The following DHX30 variants were observed in gnomAD, a reference collection of about 807,000 sequenced individuals.
DHX30 encodes DExH-box helicase 30.
Under a neutral mutation model 116.9 loss-of-function variants are expected in DHX30, and 4 were observed. The observed-to-expected ratio is 0.03, with a 90% CI of 0.02 to 0.08. The LOEUF (loss-of-function observed/expected upper bound fraction) is 0.08, where lower values mean the gene tolerates loss of function less well. Among genes scored for constraint, DHX30 ranks in the 10% least tolerant of loss-of-function variants. The pLI, the probability that DHX30 is intolerant of heterozygous loss-of-function variation, is 1.00. For missense variants in DHX30, 871 were observed against 1,595.1 expected (o/e 0.55, Z 7.73); for synonymous variants, 697 against 651.7 (o/e 1.07, Z -1.06).
At chr3:47,813,126 C>A (rs1039658298) in intron 3 of DHX30, among the ~76,000 whole-genome samples, 1 of 151,836 alleles carries the variant, frequency 6.6e-6, no homozygotes, top group African/African-American at 2.4e-5. Flanking sequence ...ATCACGAGGT[C>A]AGGAGATTGA....
chr3:47,807,062 C>G (rs1170285513), intron 2 of DHX30, among the ~76,000 whole-genome samples: 2 of 151,860 alleles, frequency 1.3e-5, no homozygotes, highest in African/African-American at 4.8e-5. Flanking sequence ...AAAAATTAGC[C>G]AGGCGTGGTG....
intron 4 of DHX30, among the ~76,000 whole-genome samples, chr3:47,824,570 G>A (rs1215075042): frequency 6.6e-6 from 1 of 152,180 alleles, no homozygotes; most frequent in East Asian, 1.9e-4. Context: ...GGGATTGCAG[G>A]CATGAGCCAC....
At chr3:47,813,542 T>C (rs990581971) in intron 3 of DHX30, among the ~76,000 whole-genome samples, 2 of 152,180 alleles carry the variant, frequency 1.3e-5, no homozygotes, top group Non-Finnish European at 2.9e-5. Context: ...AACATGACTT[T>C]TTTTCTTCAA....
chr3:47,816,049 T>A, intron 3 of DHX30: 1 of 985,194 alleles, frequency 1.0e-6, no homozygotes, highest in Non-Finnish European at 1.2e-6. Context: ...AAGGCAGAAC[T>A]GGAATTAGTT....
chr3:47,848,258 G>A lies in DHX30; in HGVS notation c.2365G>A (p.Gly789Ser), dbSNP rs778742211. The change falls in exon 15 of 22, where the codon GGC becomes AGC. Residue 789 changes from glycine (G) to serine (S), a missense_variant. Physicochemically the swap from Gly to Ser is moderately conservative, Grantham distance 56. Coordinates refer to ENST00000445061, the MANE Select transcript of DHX30 (RefSeq NM_138615.3). The surrounding 1 kb of genome is among the most constrained non-coding windows in gnomAD (Gnocchi z 9.4). ...GGGCCGGGCGGGCCGCTGCCAGTCC[G>A]GCTTTGCCTACCACTTGTTCCCTCG... Reference protein sequence around the residue: ...RRGRAGRCQSGFAYHLFPRSR... With the variant: ...RRGRAGRCQSSFAYHLFPRSR... 1 of 1,613,666 alleles carries A rather than the reference G, an allele frequency of 6.2e-7. No homozygotes were observed. Among genetic ancestry groups the A allele is most frequent in the East Asian group, 2.2e-5 (1 of 44,890 alleles).
In DHX30 at chr3:47,823,032, G is replaced by C. The variant is rs868793945; in HGVS notation, c.125-4315G>C. On this transcript the variant is annotated intron_variant, in intron 4 of 21. Transcript: ENST00000445061. ...GGTGTGAACCTGGGAGGTGGAGCTT[G>C]CAGTGAGCCGAGATTGCACCACTGC... Among the ~76,000 whole-genome samples, 4 of 149,624 alleles carry C rather than the reference G, an allele frequency of 2.7e-5. 1 individual carries two copies. The South Asian group carries it at 8.5e-4, about 32-fold the overall frequency.
chr3:47,850,022 A>C lies in DHX30; in HGVS notation c.3487A>C (p.Ser1163Arg), dbSNP rs776692867. ...LRSELAALPP[S>R]VQEEHGQLLA... The stretch of plus-strand genomic sequence containing the variant: ...CAGCGAGCTGGCTGCACTTCCCCCC[A>C]GCGTACAGGAGGAGCACGGGCAGCT... The change falls in exon 22 of 22, where the codon AGC becomes CGC. Residue 1163 changes from serine (S) to arginine (R), a missense_variant. This residue lies in a region of DHX30 where 52 missense variants were observed against 50.1 expected (regional missense o/e 1.04). Transcript: ENST00000445061. The C allele has an allele frequency of 6.2e-7, 1 of 1,609,814 alleles. No homozygotes were observed. Among genetic ancestry groups the C allele is most frequent in the Admixed American group, 1.7e-5 (1 of 59,652 alleles).
At position 47,834,730 on chromosome 3, in the gene DHX30, G is replaced by C. The variant is rs556993742; in HGVS notation, c.366+5596G>C. Among the ~76,000 whole-genome samples the C allele has an allele frequency of 1.3e-3, 203 of 152,280 alleles. 1 individual carries two copies. The highest frequency in any genetic ancestry group is 4.6e-3 in the African/African-American group (191 of 41,548). ...CTGTCTCAGCCTCCCAAAGTGCTGGGATTACAGGCATGAGCCACTGCACCT... is the reference window on the plus strand; with the variant it reads ...CTGTCTCAGCCTCCCAAAGTGCTGGCATTACAGGCATGAGCCACTGCACCT... On this transcript the variant is annotated intron_variant, in intron 6 of 21. Coordinates refer to ENST00000445061, the MANE Select transcript of DHX30 (RefSeq NM_138615.3).
intron 6 of DHX30, among the ~76,000 whole-genome samples, chr3:47,830,204 C>T (rs535429135): frequency 6.6e-6 from 1 of 150,532 alleles, no homozygotes; most frequent in Admixed American, 6.6e-5. Context: ...ATTCCCAGCA[C>T]TTTGGGAGGC....
chr3:47,822,894 C>T (rs958730326), intron 4 of DHX30, among the ~76,000 whole-genome samples: 5 of 152,166 alleles, frequency 3.3e-5, no homozygotes, highest in Admixed American at 3.3e-4. Flanking sequence ...GAGATCGAGA[C>T]CATCCTGGCT....
chr3:47,844,933 C>A (rs947790963), intron 9 of DHX30, among the ~76,000 whole-genome samples: 2 of 151,738 alleles, frequency 1.3e-5, no homozygotes, highest in African/African-American at 4.8e-5. Flanking sequence ...GATTGGGAGG[C>A]GGGATGGAAG....
intron 3 of DHX30, among the ~76,000 whole-genome samples, chr3:47,814,147 G>A (rs1229247551): frequency 6.6e-6 from 1 of 151,778 alleles, no homozygotes; most frequent in Non-Finnish European, 1.5e-5. Flanking sequence ...ATCCTCAGCT[G>A]AGCGCGGTGG....
Position 47,805,011 on chromosome 3 carries a change from A to C in DHX30, c.-122-315A>C, listed in dbSNP as rs566491858. ...CATAATTATTATGGGATTAGAACTCAAAGTGGAAGTAGGTTTTGCTCTGGG... is the reference window on the plus strand; with the variant it reads ...CATAATTATTATGGGATTAGAACTCCAAGTGGAAGTAGGTTTTGCTCTGGG... On this transcript the variant is annotated intron_variant, in intron 1 of 21. Coordinates refer to ENST00000445061, the MANE Select transcript of DHX30 (RefSeq NM_138615.3). 2.0e-5 allele frequency among the ~76,000 whole-genome samples: 3 copies of C among 152,344 alleles called. No homozygotes were observed. In the East Asian group the frequency reaches 5.8e-4, roughly 29 times the overall value.
intron 10 of DHX30, 52 bp from the exon 11 acceptor site, chr3:47,846,113 T>G: frequency 1.3e-6 from 2 of 1,561,670 alleles, no homozygotes; most frequent in Non-Finnish European, 1.7e-6. Context: ...GCTGGTTGTG[T>G]GTGAATGAGG....
chr3:47,808,276 G>A (rs1361527106), intron 2 of DHX30, among the ~76,000 whole-genome samples: 1 of 151,782 alleles, frequency 6.6e-6, no homozygotes, highest in Non-Finnish European at 1.5e-5. Flanking sequence ...GAGTGCAGTG[G>A]CGTGATCACA....
chr3:47,825,077 G>T lies in DHX30; in HGVS notation c.125-2270G>T, dbSNP rs1576481823. On this transcript the variant is annotated intron_variant, in intron 4 of 21. Transcript: ENST00000445061. ...AGGAGACTCATGGCGCTGGCCGCCG[G>T]CATCTCTCCGCGCCTGCAGCCGCTG... 4 of 668,092 alleles carry T rather than the reference G, an allele frequency of 6.0e-6. No individual in the cohort carries two copies. The East Asian group carries it at 1.2e-4, about 21-fold the overall frequency. 41.4% of individuals were successfully genotyped at this position (668,092 alleles called of 1,614,324 possible). A position where few individuals can be genotyped will look rare whatever the true frequency, so the allele number is the denominator to read the frequency against.
intron 3 of DHX30, among the ~76,000 whole-genome samples, chr3:47,815,723 C>CAAAAA (rs11349970): frequency 6.3e-4 from 13 of 20,758 alleles, no homozygotes; most frequent in East Asian, 1.9e-3. Flanking sequence ...TAAAAAAGAG[C>CAAAAA]AAAAAAAAAA....
At chr3:47,821,553 G>A (rs995377565) in intron 4 of DHX30, among the ~76,000 whole-genome samples, 1 of 152,124 alleles carries the variant, frequency 6.6e-6, no homozygotes, top group Non-Finnish European at 1.5e-5. Flanking sequence ...ACAGGCATGA[G>A]CCACCGTGCC....
At position 47,840,994 on chromosome 3, in the gene DHX30, C is replaced by T; in HGVS notation, c.484C>T (p.Pro162Ser). 1 of 1,614,204 alleles carries T rather than the reference C, an allele frequency of 6.2e-7. No individual in the cohort carries two copies. ...SWWRPEPTMP[P>S]TSWRQLNPES... ...GTGGCGTCCGGAACCCACCATGCCC[C>T]CTACTTCCTGGCGGCAGCTGAATCC... Residue 162 changes from proline (P) to serine (S), a missense_variant, in exon 7 of 22, where the codon CCT becomes TCT. Pro to Ser is a moderately conservative substitution (Grantham distance 74, BLOSUM62 -1). This residue lies in a region of DHX30 where 109 missense variants were observed against 118.8 expected (regional missense o/e 0.92). Transcript: ENST00000445061.
Sources: allele counts gnomAD v4.1 joint callset (sites outside exome capture counted in the v4.1 genomes callset), GRCh38; gene constraint gnomAD v4.1.1; regional missense constraint gnomAD v4.1.1; non-coding constraint Gnocchi (gnomAD v3.1); transcripts MANE v1.5; gene names NCBI Gene and HGNC (gene_info 2026-07-23, HGNC 2026-07-21).